The following ATP1A1 variants were observed in gnomAD, a reference collection of about 807,000 sequenced individuals.
The protein encoded by ATP1A1 is sodium/potassium-transporting ATPase subunit alpha-1.
Under a neutral mutation model 114.8 loss-of-function variants are expected in ATP1A1, and 14 were observed. The observed-to-expected ratio is 0.12, with a 90% CI of 0.08 to 0.19. The LOEUF is 0.19. Ranked by LOEUF, ATP1A1 falls within the 10% of genes least tolerant of loss-of-function variation. ATP1A1 has a pLI of 1.00. For missense variants in ATP1A1, 524 were observed against 1,290.7 expected (o/e 0.41, Z 9.10); for synonymous variants, 471 against 466.3 (o/e 1.01, Z -0.13).
In ATP1A1 at chr1:116,399,612, T is replaced by G; in HGVS notation, c.2572+69T>G. 6.3e-7 allele frequency: 1 copy of G among 1,592,156 alleles called. No homozygotes were observed. Among genetic ancestry groups the G allele is most frequent in the Non-Finnish European group, 8.6e-7 (1 of 1,167,802 alleles). ...CTGAGGTGATGGTGTCCACCTCAGG[T>G]TGAGGTTGATTTCAGAGACTGCAAA... On this transcript the variant is annotated intron_variant, in intron 18 of 22. Transcript: ENST00000295598. The surrounding 1 kb of genome is among the most constrained non-coding windows in gnomAD (Gnocchi z 5.0).
Position 116,393,077 on chromosome 1 carries a change from C to A in ATP1A1, c.1467+89C>A. The A allele has an allele frequency of 1.3e-6, 2 of 1,538,956 alleles. No homozygotes were observed. Among genetic ancestry groups the A allele is most frequent in the Non-Finnish European group, 1.8e-6 (2 of 1,140,312 alleles). Reference sequence around the variant, plus strand: ...TGAGCAGGAAGAGGAAATATTCTCCCTTTGGAGTTTTATAAGCTTTAGCTT... The same window carrying A: ...TGAGCAGGAAGAGGAAATATTCTCCATTTGGAGTTTTATAAGCTTTAGCTT... On this transcript the variant is annotated intron_variant, in intron 11 of 22. Coordinates refer to ENST00000295598, the MANE Select transcript of ATP1A1 (RefSeq NM_000701.8). This position sits in a 1 kb window ranked among gnomAD's most constrained non-coding sequence, Gnocchi z 5.0.
intron 12 of ATP1A1, among the ~76,000 whole-genome samples, chr1:116,394,165 C>T (rs1331060430): frequency 6.6e-6 from 1 of 152,126 alleles, no homozygotes; most frequent in East Asian, 1.9e-4. Flanking sequence ...TACATGAGCA[C>T]TTATGTGCTC....
In ATP1A1 at chr1:116,393,393, A is replaced by G; in HGVS notation, c.1468-138A>G. 1 of 926,704 alleles carries G rather than the reference A, an allele frequency of 1.1e-6. No individual in the cohort carries two copies. The highest frequency in any genetic ancestry group is 1.6e-6 in the Non-Finnish European group (1 of 620,754). The allele number at this position is 926,704 out of a possible 1,614,324, so 57.4% of individuals were successfully genotyped here. ...AGCATTCAAAGTATGTTACAGGTGT[A>G]AGATACTTCAGAGTTCAGAAAGAAG... On this transcript the variant is annotated intron_variant, in intron 11 of 22. Coordinates refer to ENST00000295598, the MANE Select transcript of ATP1A1 (RefSeq NM_000701.8). The surrounding 1 kb of genome is among the most constrained non-coding windows in gnomAD (Gnocchi z 5.0).
intron 21 of ATP1A1, chr1:116,402,093 A>G (rs1348064831): frequency 6.1e-6 from 1 of 163,014 alleles, no homozygotes; most frequent in Non-Finnish European, 1.3e-5. Flanking sequence ...TCTGCTCTCA[A>G]AGAAAGAAGG....
chr1:116,391,295 A>G (rs1294341205), intron 10 of ATP1A1, among the ~76,000 whole-genome samples: 5 of 152,240 alleles, frequency 3.3e-5, no homozygotes, highest in African/African-American at 1.2e-4. Flanking sequence ...ATTAGGATAC[A>G]GTAGATTCCA....
chr1:116,384,178 T>C lies in ATP1A1; in HGVS notation c.123+54T>C. The C allele has an allele frequency of 6.8e-7, 1 of 1,463,848 alleles. No homozygotes were observed. The highest frequency in any genetic ancestry group is 1.2e-5 in the South Asian group (1 of 85,548). 90.7% of individuals were successfully genotyped at this position (1,463,848 alleles called of 1,614,324 possible). A position where few individuals can be genotyped will look rare whatever the true frequency, so the allele number is the denominator to read the frequency against. On this transcript the variant is annotated intron_variant, in intron 2 of 22. Transcript: ENST00000295598. This position sits in a 1 kb window ranked among gnomAD's most constrained non-coding sequence, Gnocchi z 5.1. ...ATCCTTATTAAAAATCCATGATTTT[T>C]AATCCCCCAGGCCTCACTGTATTCT...
At chr1:116,391,548 C>T (rs2101048705) in intron 10 of ATP1A1, among the ~76,000 whole-genome samples, 2 of 152,304 alleles carry the variant, frequency 1.3e-5, no homozygotes, top group South Asian at 4.1e-4. Context: ...CTATGTGAGG[C>T]TCTCTGGGTC....
chr1:116,394,816 T>C (rs1652772677), intron 12 of ATP1A1, among the ~76,000 whole-genome samples: 1 of 152,192 alleles, frequency 6.6e-6, no homozygotes, highest in South Asian at 2.1e-4. Context: ...AGAACCCTAA[T>C]ATCCTGGTGC....
chr1:116,400,195 AAAG>A (rs1279482991), intron 18 of ATP1A1, among the ~76,000 whole-genome samples: 4 of 152,254 alleles, frequency 2.6e-5, no homozygotes, highest in African/African-American at 4.8e-5. Context: ...ACGCTTGGAT[AAAG>A]AAGAACAGAT....
Position 116,398,529 on chromosome 1 carries a change from T to G in ATP1A1, c.2125-92T>G. On this transcript the variant is annotated intron_variant, in intron 15 of 22. Transcript: ENST00000295598. The surrounding 1 kb of genome is among the most constrained non-coding windows in gnomAD (Gnocchi z 6.1). Reference sequence around the variant, plus strand: ...GTCTCAATAGGAAAGGAGCAGTGTCTGTAATGAGTGCTCAGTGGGGGCATG... The same window carrying G: ...GTCTCAATAGGAAAGGAGCAGTGTCGGTAATGAGTGCTCAGTGGGGGCATG... 1.4e-6 allele frequency: 2 copies of G among 1,465,204 alleles called. No homozygotes were observed. Among genetic ancestry groups the G allele is most frequent in the Non-Finnish European group, 1.9e-6 (2 of 1,076,078 alleles). The allele number at this position is 1,465,204 out of a possible 1,614,324, so 90.8% of individuals were successfully genotyped here. A position where few individuals can be genotyped will look rare whatever the true frequency, so the allele number is the denominator to read the frequency against.
At chr1:116,373,844 G>C in intron 1 of ATP1A1, 1 of 1,255,466 alleles carries the variant, frequency 8.0e-7, no homozygotes, top group Non-Finnish European at 1.0e-6. Context: ...GGGAAGCCTC[G>C]GGGCCGGGAG....
At position 116,397,582 on chromosome 1, in the gene ATP1A1, C is replaced by T. The variant is rs1387558713; in HGVS notation, c.1974-306C>T. On this transcript the variant is annotated intron_variant, in intron 14 of 22. Transcript: ENST00000295598. This position sits in a 1 kb window ranked among gnomAD's most constrained non-coding sequence, Gnocchi z 4.2. ...TCAGCCTCCCAAAGTGCTGGGATTA[C>T]AGGCATGAGCCACACACCCAGCTAA... 6.6e-6 allele frequency among the ~76,000 whole-genome samples: 1 copy of T among 152,208 alleles called. No homozygotes were observed. Among genetic ancestry groups the T allele is most frequent in the Non-Finnish European group, 1.5e-5 (1 of 68,038 alleles).
In ATP1A1 at chr1:116,374,086, G is replaced by T. The variant is rs1034306902; in HGVS notation, c.12+563G>T. 14 of 1,432,462 alleles carry T rather than the reference G, an allele frequency of 9.8e-6. No individual in the cohort carries two copies. The African/African-American group carries it at 1.9e-4, about 20-fold the overall frequency. The allele number at this position is 1,432,462 out of a possible 1,614,324, so 88.7% of individuals were successfully genotyped here. ...CGGCGGGGGCAGCCTCCGGGTTCGGGGCTCCTTCTCCTGGGGACGCTGGGG... is the reference window on the plus strand; with the variant it reads ...CGGCGGGGGCAGCCTCCGGGTTCGGTGCTCCTTCTCCTGGGGACGCTGGGG... On this transcript the variant is annotated intron_variant, in intron 1 of 22. Transcript: ENST00000295598.
At chr1:116,402,896 C>T (rs1428738385) in intron 21 of ATP1A1, among the ~76,000 whole-genome samples, 1 of 152,208 alleles carries the variant, frequency 6.6e-6, no homozygotes, top group Non-Finnish European at 1.5e-5. Context: ...TCTTTCTTCT[C>T]TGTGCATCCC....
intron 10 of ATP1A1, among the ~76,000 whole-genome samples, chr1:116,391,767 T>A (rs1485297143): frequency 1.3e-5 from 2 of 152,188 alleles, no homozygotes; most frequent in African/African-American, 4.8e-5. Context: ...ATGTTTCATG[T>A]TTTTCTTTAC....
In ATP1A1 at chr1:116,384,470, C is replaced by T. The variant is rs1181405275; in HGVS notation, c.124-313C>T. ...TAGACTTAACCTGTCTAGAATCGAC[C>T]TGGTCATCAGAGAAGGCAGATAAGG... On this transcript the variant is annotated intron_variant, in intron 2 of 22. Transcript: ENST00000295598. The surrounding 1 kb of genome is among the most constrained non-coding windows in gnomAD (Gnocchi z 5.1). Among the ~76,000 whole-genome samples the T allele has an allele frequency of 2.0e-5, 3 of 152,088 alleles. No individual in the cohort carries two copies. Among genetic ancestry groups the T allele is most frequent in the Non-Finnish European group, 4.4e-5 (3 of 68,026 alleles).
intron 10 of ATP1A1, 114 bp from the exon 11 acceptor site, chr1:116,392,740 C>A: frequency 2.3e-6 from 3 of 1,306,848 alleles, no homozygotes; most frequent in Non-Finnish European, 3.1e-6. Context: ...TCTTGCCCAT[C>A]CTCTGCTACC....
In ATP1A1 at chr1:116,392,962, C is replaced by T; in HGVS notation, c.1441C>T (p.Pro481Ser). ...AAGATACGCCAAAATCGTCGAGATACCCTTCAACTCCACCAACAAGTACCA... is the reference window on the plus strand; with the variant it reads ...AAGATACGCCAAAATCGTCGAGATATCCTTCAACTCCACCAACAAGTACCA... ...RERYAKIVEIPFNSTNKYQLS... is the reference protein window; with the variant it reads ...RERYAKIVEISFNSTNKYQLS... The change falls in exon 11 of 23, where the codon CCC becomes TCC. Residue 481 changes from proline to serine, a missense_variant. By Grantham distance (74) the Pro-to-Ser change is moderately conservative (BLOSUM62 -1). This residue lies in a region of ATP1A1 where 143 missense variants were observed against 259.3 expected (regional missense o/e 0.55). Coordinates refer to ENST00000295598, the MANE Select transcript of ATP1A1 (RefSeq NM_000701.8). 3 of 1,614,070 alleles carry T rather than the reference C, an allele frequency of 1.9e-6. No homozygotes were observed. The highest frequency in any genetic ancestry group is 2.5e-6 in the Non-Finnish European group (3 of 1,180,006).
Position 116,399,576 on chromosome 1 carries a change from A to G in ATP1A1, c.2572+33A>G. The G allele has an allele frequency of 6.2e-7, 1 of 1,612,482 alleles. No individual in the cohort carries two copies. The highest frequency in any genetic ancestry group is 1.1e-5 in the South Asian group (1 of 90,862). ...GCAGCCTGGAGTGGGAAGCTGGCAC[A>G]TCTAAGGCATCTGAGGTGATGGTGT... is the stretch of plus-strand genomic sequence containing the variant. On this transcript the variant is annotated intron_variant, in intron 18 of 22. Coordinates refer to ENST00000295598, the MANE Select transcript of ATP1A1 (RefSeq NM_000701.8). The surrounding 1 kb of genome is among the most constrained non-coding windows in gnomAD (Gnocchi z 5.0).
Sources: gnomAD v4.1 joint callset for allele counts (sites outside exome capture counted in the v4.1 genomes callset) on GRCh38, gnomAD v4.1.1 for gene constraint, gnomAD v4.1.1 regional missense constraint, Gnocchi (gnomAD v3.1) non-coding constraint, MANE v1.5 for transcripts, NCBI Gene and HGNC (gene_info 2026-07-23, HGNC 2026-07-21) for gene names.